Variants in MEP1B observed in about 807,000 individuals in gnomAD.
MEP1B encodes the protein N-benzoyl-L-tyrosyl-P-amino-benzoic acid hydrolase subunit beta.
In MEP1B, 80 loss-of-function variants were observed where a neutral mutation model predicts 84.6. That is an observed-to-expected ratio of 0.95 (90% confidence interval 0.79 to 1.14). The LOEUF (loss-of-function observed/expected upper bound fraction) is 1.14. Ranked by LOEUF, MEP1B falls within the 50% of genes most tolerant of loss-of-function variation. The pLI, the probability that MEP1B is intolerant of heterozygous loss-of-function variation, is 0.00. For missense variants in MEP1B, 766 were observed against 855.1 expected, an observed-to-expected ratio of 0.90 and a Z score of 1.30; for synonymous variants, 273 against 288.1, an observed-to-expected ratio of 0.95 and a Z score of 0.53.
In MEP1B at chr18:32,195,415, T is replaced by C; in HGVS notation, c.180T>C (p.Ile60=). 1.2e-6 allele frequency: 2 copies of C among 1,609,326 alleles called. No individual in the cohort carries two copies. The highest frequency in any genetic ancestry group is 2.2e-5 in the East Asian group (1 of 44,798). ...EGDIRLDRAQ[I]RNSIIGEKYR... is the part of the protein sequence containing the mutation. The stretch of plus-strand genomic sequence containing the variant: ...GCATTTATTTTTGACAGGCACAAAT[T>C]AGAAATTCCATCATTGGAGAAAAGT... The change falls in exon 5 of 15, where the codon ATT becomes ATC. Residue 60 remains isoleucine (I), a synonymous_variant. Transcript: ENST00000269202.
intron 10 of MEP1B, 40 bp downstream of exon 10, chr18:32,210,756 G>A (rs1206482661): frequency 1.3e-6 from 2 of 1,539,614 alleles, no homozygotes; most frequent in Admixed American, 1.7e-5. Flanking sequence ...TTTAAAATGA[G>A]GCAATCTTAG....
chr18:32,215,595 C>A (rs377374045), intron 12 of MEP1B, among the ~76,000 whole-genome samples: 1 of 152,050 alleles, frequency 6.6e-6, no homozygotes, highest in African/African-American at 2.4e-5. Context: ...GAGACCGAGG[C>A]GAGTGGATCA....
Position 32,217,763 on chromosome 18 carries a change from G to A in MEP1B, c.1889G>A (p.Cys630Tyr). Residue 630 changes from cysteine to tyrosine, a missense_variant and splice_region_variant, in exon 14 of 15, where the codon TGC becomes TAC. Transcript: ENST00000269202. ...TGAGTCATGCTCTCAACATGCAGGT[G>A]CCAGTCAGGGGAAGACTGGTGGTAC... is the stretch of plus-strand genomic sequence containing the variant. ...TVRDGKAECR[C>Y]QSGEDWWYMG... 6.2e-7 allele frequency: 1 copy of A among 1,611,604 alleles called. No homozygotes were observed. Among genetic ancestry groups the A allele is most frequent in the Non-Finnish European group, 8.5e-7 (1 of 1,178,030 alleles).
chr18:32,214,547 G>C (rs1473549558), intron 11 of MEP1B, among the ~76,000 whole-genome samples: 1 of 152,130 alleles, frequency 6.6e-6, no homozygotes, highest in Admixed American at 6.6e-5. Context: ...ACAGCTCAGG[G>C]CTGGGTAGGT....
At chr18:32,218,838 G>T (rs763733398) in intron 14 of MEP1B, among the ~76,000 whole-genome samples, 24 of 152,174 alleles carry the variant, frequency 1.6e-4, no homozygotes, top group Non-Finnish European at 3.1e-4. Flanking sequence ...GCCTTTGGGG[G>T]AGGGCATTTC....
chr18:32,216,108 G>A (rs2041087649), intron 12 of MEP1B, among the ~76,000 whole-genome samples: 1 of 151,266 alleles, frequency 6.6e-6, no homozygotes, highest in Non-Finnish European at 1.5e-5. Flanking sequence ...AGCAATTCTG[G>A]TGGTTTCTAT....
At chr18:32,199,021 G>T (rs1157647746) in intron 5 of MEP1B, among the ~76,000 whole-genome samples, 1 of 152,168 alleles carries the variant, frequency 6.6e-6, no homozygotes, top group Non-Finnish European at 1.5e-5. Context: ...TCAGTCCTGG[G>T]TAGCTGAGGG....
chr18:32,196,588 A>G lies in MEP1B; in HGVS notation c.250+1103A>G. 1.4e-6 allele frequency: 1 copy of G among 721,784 alleles called. No individual in the cohort carries two copies. Among genetic ancestry groups the G allele is most frequent in the Non-Finnish European group, 2.5e-6 (1 of 392,986 alleles). The allele number at this position is 721,784 out of a possible 1,614,324, so 44.7% of individuals were successfully genotyped here. A position where few individuals can be genotyped will look rare whatever the true frequency, so the allele number is the denominator to read the frequency against. On this transcript the variant is annotated intron_variant, in intron 5 of 14. Transcript: ENST00000269202. The surrounding 1 kb of genome is among the most constrained non-coding windows in gnomAD (Gnocchi z 4.4). ...CTGACGGCCAGCGCGTTGTCCAGGA[A>G]GCACAGCGACAGGTCGTACTCCATC...
intron 9 of MEP1B, among the ~76,000 whole-genome samples, chr18:32,209,658 G>A (rs1182310143): frequency 1.3e-5 from 2 of 152,056 alleles, no homozygotes; most frequent in Non-Finnish European, 2.9e-5. Flanking sequence ...TTCATTACAA[G>A]TATCATTTTA....
intron 11 of MEP1B, 65 bp from the exon 12 acceptor site, chr18:32,215,017 C>G: frequency 8.3e-7 from 1 of 1,206,084 alleles, no homozygotes; most frequent in Admixed American, 2.2e-5. Context: ...ATTGCCTGTT[C>G]TTTCCTACCA....
intron 9 of MEP1B, 147 bp downstream of exon 9, chr18:32,208,418 C>A: frequency 2.5e-6 from 2 of 788,638 alleles, no homozygotes; most frequent in Non-Finnish European, 3.7e-6. Flanking sequence ...GGCCTTGCAC[C>A]TGATAAAGAC....
chr18:32,196,954 T>G lies in MEP1B; in HGVS notation c.250+1469T>G. 1 of 286,352 alleles carries G rather than the reference T, an allele frequency of 3.5e-6. No individual in the cohort carries two copies. The highest frequency in any genetic ancestry group is 6.7e-6 in the Non-Finnish European group (1 of 149,050). 17.7% of individuals were successfully genotyped at this position (286,352 alleles called of 1,614,324 possible). On this transcript the variant is annotated intron_variant, in intron 5 of 14. Coordinates refer to ENST00000269202, the MANE Select transcript of MEP1B (RefSeq NM_005925.3). This position sits in a 1 kb window ranked among gnomAD's most constrained non-coding sequence, Gnocchi z 4.4. Reference sequence around the variant, plus strand: ...TGGTTAAACAGGTGCAGGGCCTGATTGATGGGCTCACAGGGAGCCAGTCTT... The same window carrying G: ...TGGTTAAACAGGTGCAGGGCCTGATGGATGGGCTCACAGGGAGCCAGTCTT...
At chr18:32,211,047 T>A (rs1285367471) in intron 10 of MEP1B, among the ~76,000 whole-genome samples, 1 of 152,156 alleles carries the variant, frequency 6.6e-6, no homozygotes, top group Non-Finnish European at 1.5e-5. Context: ...TCGGATCACC[T>A]GAGGTCACGA....
intron 9 of MEP1B, 31 bp downstream of exon 9, chr18:32,208,302 T>TA: frequency 1.3e-6 from 2 of 1,563,900 alleles, no homozygotes; most frequent in Non-Finnish European, 1.7e-6. Flanking sequence ...CTAGACTGTA[T>TA]ACTCAGTGGC....
At chr18:32,209,382 G>A (rs2040999241) in intron 9 of MEP1B, among the ~76,000 whole-genome samples, 1 of 151,960 alleles carries the variant, frequency 6.6e-6, no homozygotes, top group African/African-American at 2.4e-5. Context: ...AGCTAGTTGG[G>A]TGACTGAGGC....
At chr18:32,216,937 A>AAT (rs2041096134) in intron 12 of MEP1B, 54 bp from the exon 13 acceptor site, 20 of 1,547,020 alleles carry the variant, frequency 1.3e-5, no homozygotes, top group Non-Finnish European at 1.6e-5. Flanking sequence ...TTAAAGATCA[A>AAT]ATGATTGTTA....
At chr18:32,215,719 G>A (rs2041077717) in intron 12 of MEP1B, among the ~76,000 whole-genome samples, 1 of 152,106 alleles carries the variant, frequency 6.6e-6, no homozygotes, top group Non-Finnish European at 1.5e-5. Context: ...AGCTACTCGG[G>A]AGGCTGAGGC....
chr18:32,202,861 TA>T, intron 5 of MEP1B, 31 bp from the exon 6 acceptor site: 1 of 1,405,834 alleles, frequency 7.1e-7, no homozygotes, highest in Non-Finnish European at 9.9e-7. Context: ...ATTGTTTTAA[TA>T]AGCTTATTTT....
At chr18:32,214,092 A>T (rs1344699111) in intron 11 of MEP1B, among the ~76,000 whole-genome samples, 1 of 152,166 alleles carries the variant, frequency 6.6e-6, no homozygotes, top group East Asian at 1.9e-4. Context: ...GGATTGTCAA[A>T]AATAATTCAG....
Sources: gnomAD v4.1 joint callset for allele counts (sites outside exome capture counted in the v4.1 genomes callset) on GRCh38, gnomAD v4.1.1 for gene constraint, Gnocchi (gnomAD v3.1) non-coding constraint, MANE v1.5 for transcripts, NCBI Gene and HGNC (gene_info 2026-07-23, HGNC 2026-07-21) for gene names.